INPP4B: variants seen among roughly 807,000 people sequenced by gnomAD.
The protein encoded by INPP4B is inositol polyphosphate 4-phosphatase type II.
Under a neutral mutation model 122.5 loss-of-function variants are expected in INPP4B, and 55 were observed. That is an observed-to-expected ratio of 0.45 (90% CI 0.36 to 0.56). The LOEUF (loss-of-function observed/expected upper bound fraction) is 0.56, where lower values mean the gene tolerates loss of function less well. Among genes scored for constraint, INPP4B ranks in the 20% least tolerant of loss-of-function variants. The pLI, the probability that INPP4B is intolerant of heterozygous loss-of-function variation, is 0.00. For synonymous variants in INPP4B, 403 were observed against 388.7 expected, an observed-to-expected ratio of 1.04 and a Z score of -0.43; for missense variants, 1,000 against 1,097.7, an observed-to-expected ratio of 0.91 and a Z score of 1.26.
At chr4:142,253,572 C>T (rs570280335) in intron 11 of INPP4B, among the ~76,000 whole-genome samples, 1 of 152,320 alleles carries the variant, frequency 6.6e-6, no homozygotes, top group Non-Finnish European at 1.5e-5. Context: ...GTTCCCTTTC[C>T]TAGTCAAAGA....
At chr4:142,187,944 G>T (rs34648309) in intron 15 of INPP4B, among the ~76,000 whole-genome samples, 7 of 151,634 alleles carry the variant, frequency 4.6e-5, no homozygotes, top group African/African-American at 1.5e-4. Flanking sequence ...CAGTTTTGCC[G>T]TTTCAAATTT....
intron 15 of INPP4B, among the ~76,000 whole-genome samples, chr4:142,190,307 T>C (rs1298666947): frequency 6.6e-6 from 1 of 152,194 alleles, no homozygotes; most frequent in Non-Finnish European, 1.5e-5. Flanking sequence ...CACTGTTTAC[T>C]TTAACCTAAA....
chr4:142,524,939 A>C (rs1208352450), intron 2 of INPP4B, among the ~76,000 whole-genome samples: 1 of 152,140 alleles, frequency 6.6e-6, no homozygotes, highest in Non-Finnish European at 1.5e-5. Context: ...GAAAAGAGGA[A>C]GTCAAATTCT....
chr4:142,194,539 T>C (rs943701113), intron 14 of INPP4B, among the ~76,000 whole-genome samples: 5 of 152,184 alleles, frequency 3.3e-5, no homozygotes, highest in Non-Finnish European at 7.3e-5. Context: ...CTAGTCTACC[T>C]TCATTTATCT....
intron 2 of INPP4B, among the ~76,000 whole-genome samples, chr4:142,644,205 A>C (rs529113907): frequency 1.3e-5 from 2 of 151,162 alleles, no homozygotes; most frequent in Admixed American, 6.6e-5. Flanking sequence ...GTCTCAAAAA[A>C]AAAATAAAAT....
intron 16 of INPP4B, among the ~76,000 whole-genome samples, chr4:142,161,320 G>A (rs180793067): frequency 2.0e-4 from 31 of 152,088 alleles, no homozygotes; most frequent in African/African-American, 7.5e-4. Flanking sequence ...GCAATTTCCT[G>A]ATGAAATGTT....
At chr4:142,665,264 G>A (rs752693190) in intron 2 of INPP4B, among the ~76,000 whole-genome samples, 20 of 152,068 alleles carry the variant, frequency 1.3e-4, no homozygotes, top group South Asian at 2.1e-4. Context: ...AGGCCAAGGC[G>A]GGCAGATCAT....
At chr4:142,323,514 T>C (rs188625186) in intron 7 of INPP4B, among the ~76,000 whole-genome samples, 1,666 of 151,142 alleles carry the variant, frequency 0.011, 34 homozygotes, top group African/African-American at 0.036. Context: ...GGCACGATCT[T>C]GGCTCACTGC....
intron 1 of INPP4B, among the ~76,000 whole-genome samples, chr4:142,824,045 C>A (rs984893156): frequency 6.6e-6 from 1 of 152,068 alleles, no homozygotes; most frequent in Non-Finnish European, 1.5e-5. Flanking sequence ...TCTGCTTGAG[C>A]TGGGACATTC....
chr4:142,706,627 C>G (rs555057064), intron 2 of INPP4B, among the ~76,000 whole-genome samples: 4 of 152,358 alleles, frequency 2.6e-5, no homozygotes, highest in Non-Finnish European at 5.9e-5. Flanking sequence ...TAAGGCTAAA[C>G]AAGCAAGCTT....
intron 7 of INPP4B, among the ~76,000 whole-genome samples, chr4:142,348,801 A>G (rs992203983): frequency 6.6e-6 from 1 of 152,002 alleles, no homozygotes; most frequent in African/African-American, 2.4e-5. Flanking sequence ...ATCTGTCATA[A>G]GACTCCCCAG....
At chr4:142,727,512 C>T (rs1765489537) in intron 1 of INPP4B, among the ~76,000 whole-genome samples, 1 of 152,068 alleles carries the variant, frequency 6.6e-6, no homozygotes, top group African/African-American at 2.4e-5. Context: ...TTAGATAATA[C>T]ATAGAGTTTT....
At chr4:142,716,394 T>G (rs999456224) in intron 2 of INPP4B, among the ~76,000 whole-genome samples, 1 of 152,210 alleles carries the variant, frequency 6.6e-6, no homozygotes, top group South Asian at 2.1e-4. Context: ...TATCGCATCT[T>G]TCTAATACTT....
intron 3 of INPP4B, among the ~76,000 whole-genome samples, chr4:142,449,306 A>T (rs980712909): frequency 6.6e-6 from 1 of 152,190 alleles, no homozygotes; most frequent in Non-Finnish European, 1.5e-5. Flanking sequence ...TTGTAAGCGT[A>T]TTGACACTTA....
At chr4:142,622,469 G>A (rs1276786516) in intron 2 of INPP4B, among the ~76,000 whole-genome samples, 1 of 151,744 alleles carries the variant, frequency 6.6e-6, no homozygotes, top group Non-Finnish European at 1.5e-5. Flanking sequence ...AAAGAGTTGG[G>A]GTATACAATG....
chr4:142,192,281 T>C, intron 15 of INPP4B, among the ~76,000 whole-genome samples: 1 of 60,954 alleles, frequency 1.6e-5, no homozygotes, highest in South Asian at 5.4e-4. Flanking sequence ...TCACCATGGT[T>C]AAAAAAAAAA....
At position 142,495,990 on chromosome 4, in the gene INPP4B, T is replaced by C. The variant is rs78298878; in HGVS notation, c.-190-33264A>G. Among the ~76,000 whole-genome samples, 239 of 152,274 alleles carry C rather than the reference T, an allele frequency of 1.6e-3. 7 individuals carry two copies. In the East Asian group the frequency reaches 0.042, roughly 26 times the overall value. The stretch of plus-strand genomic sequence containing the variant: ...AACTTCTGAAATGTTTTCGCCTGTC[T>C]GAACTTTTAGTGCATCTAGTACTGC... On this transcript the variant is annotated intron_variant, in intron 2 of 25. Transcript: ENST00000262992.
At chr4:142,047,396 A>AT (rs960633423) in intron 25 of INPP4B, among the ~76,000 whole-genome samples, 21 of 152,038 alleles carry the variant, frequency 1.4e-4, no homozygotes, top group Middle Eastern at 3.4e-3. Flanking sequence ...GAAAAAGGGT[A>AT]TTTTTTCCCT....
intron 3 of INPP4B, among the ~76,000 whole-genome samples, chr4:142,441,677 G>A (rs970295057): frequency 6.6e-6 from 1 of 152,006 alleles, no homozygotes; most frequent in Admixed American, 6.5e-5. Context: ...ATATTTAAGG[G>A]GACAAGAAAA....
Sources: gnomAD v4.1 joint callset for allele counts (sites outside exome capture counted in the v4.1 genomes callset) on GRCh38, gnomAD v4.1.1 for gene constraint, MANE v1.5 for transcripts, NCBI Gene and HGNC (gene_info 2026-07-23, HGNC 2026-07-21) for gene names.